Variants in NRG3 observed in about 807,000 individuals in gnomAD.
NRG3 encodes neuregulin 3.
In NRG3, 31 loss-of-function variants were observed where a neutral mutation model predicts 66.9. That is an observed-to-expected ratio of 0.46 (90% CI 0.35 to 0.63). The LOEUF is 0.63. Ranked by LOEUF, NRG3 falls within the 20% of genes least tolerant of loss-of-function variation. The pLI is 0.00. For synonymous variants in NRG3, 393 were observed against 359.4 expected, an observed-to-expected ratio of 1.09 and a Z score of -1.06; for missense variants, 910 against 878.9, an observed-to-expected ratio of 1.04 and a Z score of -0.45.
chr10:82,367,340 G>A, intron 2 of NRG3, among the ~76,000 whole-genome samples: 1 of 152,082 alleles, frequency 6.6e-6, no homozygotes, highest in Non-Finnish European at 1.5e-5. Flanking sequence ...ATTTTGGTCT[G>A]TCCCTTAACC....
intron 1 of NRG3, among the ~76,000 whole-genome samples, chr10:82,186,004 G>A (rs2133285310): frequency 6.6e-6 from 1 of 152,168 alleles, no homozygotes; most frequent in South Asian, 2.1e-4. Context: ...CATATCTCTA[G>A]TTCTGATTCT....
At chr10:82,616,055 A>G (rs2048627864) in intron 2 of NRG3, among the ~76,000 whole-genome samples, 1 of 152,222 alleles carries the variant, frequency 6.6e-6, no homozygotes, top group African/African-American at 2.4e-5. Context: ...ACACACATTC[A>G]TCCACAGGGA....
intron 2 of NRG3, among the ~76,000 whole-genome samples, chr10:82,490,761 T>A (rs780103194): frequency 5.9e-5 from 9 of 152,158 alleles, no homozygotes; most frequent in Non-Finnish European, 1.0e-4. Context: ...CTTCACCAGC[T>A]GCCTCTCTCA....
At chr10:82,566,037 A>G (rs530677120) in intron 2 of NRG3, among the ~76,000 whole-genome samples, 26 of 152,038 alleles carry the variant, frequency 1.7e-4, no homozygotes, top group Non-Finnish European at 3.1e-4. Context: ...GTCTTCCATA[A>G]AATGTTTTTC....
At chr10:82,603,263 G>A (rs1308570303) in intron 2 of NRG3, among the ~76,000 whole-genome samples, 1 of 152,046 alleles carries the variant, frequency 6.6e-6, no homozygotes, top group Non-Finnish European at 1.5e-5. Context: ...CCCCACTCTC[G>A]GGAGGCAAAA....
rs1000319850 is a variant in NRG3 at position 81,878,064 on chromosome 10, C to G, written c.823+1901C>G. ...CTTTCTCAATTGATTTCCTTGTGTA[C>G]CATTCCGGAGGTCTTTAAAGAAAAG... is the stretch of plus-strand genomic sequence containing the variant. On this transcript the variant is annotated intron_variant, in intron 1 of 8. Transcript: ENST00000372141. The G allele has an allele frequency of 4.6e-6, 7 of 1,536,756 alleles. No individual in the cohort carries two copies. The Admixed American group carries it at 7.9e-5, about 17-fold the overall frequency.
chr10:82,120,842 C>G (rs2068041295), intron 1 of NRG3, among the ~76,000 whole-genome samples: 1 of 151,516 alleles, frequency 6.6e-6, no homozygotes, highest in African/African-American at 2.4e-5. Flanking sequence ...CCCACAGCTC[C>G]TTCTCTGCAT....
chr10:82,500,116 T>G (rs1430119031), intron 2 of NRG3, among the ~76,000 whole-genome samples: 1 of 152,158 alleles, frequency 6.6e-6, no homozygotes, highest in African/African-American at 2.4e-5. Flanking sequence ...AGGAGAGGCA[T>G]ATGCTAGAAC....
chr10:82,950,885 G>C (rs1849459361), intron 4 of NRG3, among the ~76,000 whole-genome samples: 1 of 152,172 alleles, frequency 6.6e-6, no homozygotes, highest in Admixed American at 6.5e-5. Context: ...CTTGGTAATA[G>C]AGGCTGAGTT....
intron 2 of NRG3, among the ~76,000 whole-genome samples, chr10:82,542,236 C>T (rs1458196013): frequency 1.3e-5 from 2 of 152,062 alleles, no homozygotes; most frequent in African/African-American, 2.4e-5. Context: ...ATCCATGTCC[C>T]TGCAAAGGAA....
intron 1 of NRG3, among the ~76,000 whole-genome samples, chr10:82,170,077 C>G (rs1267892465): frequency 6.6e-6 from 1 of 151,416 alleles, no homozygotes; most frequent in Non-Finnish European, 1.5e-5. Context: ...ATTCTCTGAA[C>G]TGCTGTAGTG....
intron 2 of NRG3, among the ~76,000 whole-genome samples, chr10:82,507,355 G>C (rs376807016): frequency 6.6e-6 from 1 of 152,120 alleles, no homozygotes; most frequent in Admixed American, 6.5e-5. Flanking sequence ...AGAAGAGGAA[G>C]CTTATGGGCA....
chr10:82,394,075 C>G (rs2086564270), intron 2 of NRG3, among the ~76,000 whole-genome samples: 1 of 152,140 alleles, frequency 6.6e-6, no homozygotes, highest in African/African-American at 2.4e-5. Context: ...CCAGTTGTGT[C>G]TCTGAGCCCA....
chr10:82,561,056 T>C (rs1017365693), intron 2 of NRG3, among the ~76,000 whole-genome samples: 4 of 152,172 alleles, frequency 2.6e-5, no homozygotes, highest in Non-Finnish European at 4.4e-5. Context: ...CTGGGATTGA[T>C]TTTTCATTTC....
intron 2 of NRG3, among the ~76,000 whole-genome samples, chr10:82,738,224 C>A (rs1340697122): frequency 7.9e-6 from 1 of 126,450 alleles, no homozygotes; most frequent in East Asian, 2.5e-4. Context: ...TTCTAAATGC[C>A]TTTTAGAGAC....
chr10:82,203,027 G>A (rs980591227), intron 1 of NRG3, among the ~76,000 whole-genome samples: 1 of 152,156 alleles, frequency 6.6e-6, no homozygotes, highest in Admixed American at 6.5e-5. Context: ...ATGAATGTCA[G>A]GATGAAGAAG....
At chr10:82,395,929 T>A (rs553515993) in intron 2 of NRG3, among the ~76,000 whole-genome samples, 1 of 152,370 alleles carries the variant, frequency 6.6e-6, no homozygotes, top group Admixed American at 6.5e-5. Context: ...ATAGAAAGAC[T>A]AATATTTATT....
At chr10:82,250,576 G>A (rs1285892345) in intron 1 of NRG3, among the ~76,000 whole-genome samples, 2 of 152,110 alleles carry the variant, frequency 1.3e-5, no homozygotes, top group South Asian at 2.1e-4. Flanking sequence ...CAACAAGAGC[G>A]AAACTCCGTC....
intron 4 of NRG3, among the ~76,000 whole-genome samples, chr10:82,947,439 G>A (rs1169445889): frequency 2.0e-5 from 3 of 151,978 alleles, no homozygotes; most frequent in Non-Finnish European, 4.4e-5. Context: ...CAGTGAAATT[G>A]AACTTTCAAT....
Sources: allele counts gnomAD v4.1 joint callset (sites outside exome capture counted in the v4.1 genomes callset), GRCh38; gene constraint gnomAD v4.1.1; transcripts MANE v1.5; gene names NCBI Gene and HGNC (gene_info 2026-07-23, HGNC 2026-07-21).